The following SMARCC2 variants were observed in gnomAD, a reference collection of about 807,000 sequenced individuals.
SMARCC2 encodes the protein SWI/SNF related BAF chromatin remodeling complex subunit C2, also known as SWI/SNF complex subunit SMARCC2.
A neutral mutation model predicts 151.3 loss-of-function variants in SMARCC2; 15 were observed. The ratio of observed to expected loss-of-function variants is 0.10; its 90% CI spans 0.07 to 0.15. SMARCC2 has a LOEUF of 0.15. Ranked by LOEUF, SMARCC2 falls within the 10% of genes least tolerant of loss-of-function variation. The pLI is 1.00. For missense variants in SMARCC2, 1,031 were observed against 1,599.7 expected (o/e 0.64, Z 6.06); for synonymous variants, 590 against 609.5 (o/e 0.97, Z 0.47).
rs1381797289 is a variant in SMARCC2 at position 56,178,803 on chromosome 12, G to C, written c.1179+7C>G. On this transcript the variant is annotated splice_region_variant and intron_variant, in intron 13 of 28. Coordinates refer to ENST00000550164, the MANE Select transcript of SMARCC2 (RefSeq NM_001330288.2). ...AGAGAGGTAGGGCCTCTCTAAACTG[G>C]CTCCACCTTGCCCGTCGTCTCCATG... 6.2e-7 allele frequency: 1 copy of C among 1,613,332 alleles called. No homozygotes were observed. The highest frequency in any genetic ancestry group is 8.5e-7 in the Non-Finnish European group (1 of 1,179,330).
chr12:56,184,217 C>T lies in SMARCC2; in HGVS notation c.520G>A (p.Ala174Thr). Residue 174 changes from alanine (A) to threonine (T), a missense_variant, in exon 6 of 29, where the codon GCC becomes ACC. Physicochemically the swap from Ala to Thr is moderately conservative, Grantham distance 58. Transcript: ENST00000550164. ...GGGACAGGATACACAACATGGGAGGCATTGTTCTTATCCTCAGTGACTGTT... is the reference window on the plus strand; with the variant it reads ...GGGACAGGATACACAACATGGGAGGTATTGTTCTTATCCTCAGTGACTGTT... ...QGTVTEDKNN[A>T]SHVVYPVPGN... 2 of 1,613,614 alleles carry T rather than the reference C, an allele frequency of 1.2e-6. No homozygotes were observed. The highest frequency in any genetic ancestry group is 1.7e-6 in the Non-Finnish European group (2 of 1,179,654).
chr12:56,163,654 CAGGGGGTG>C lies in SMARCC2; in HGVS notation c.*27_*34del. The C allele has an allele frequency of 7.7e-7, 1 of 1,301,622 alleles. No homozygotes were observed. The allele number at this position is 1,301,622 out of a possible 1,614,324, so 80.6% of individuals were successfully genotyped here. A position where few individuals can be genotyped will look rare whatever the true frequency, so the allele number is the denominator to read the frequency against. On this transcript the variant is annotated 3_prime_UTR_variant, in exon 29 of 29. Transcript: ENST00000550164. Reference sequence around the variant, plus strand: ...GCTGTTCCTGGAACCGTGATGTCCACAGGGGGTGAGGGGGAGAGATGTCTGGCTGGCTC... The same window carrying C: ...GCTGTTCCTGGAACCGTGATGTCCACAGGGGGAGAGATGTCTGGCTGGCTC...
At chr12:56,176,011 T>C (rs1449428132) in intron 15 of SMARCC2, among the ~76,000 whole-genome samples, 1 of 151,696 alleles carries the variant, frequency 6.6e-6, no homozygotes, top group Admixed American at 6.6e-5. Flanking sequence ...GGTGCGTGCC[T>C]CCACACCCAG....
chr12:56,183,924 C>A lies in SMARCC2; in HGVS notation c.569G>T (p.Trp190Leu). 6.2e-7 allele frequency: 1 copy of A among 1,611,642 alleles called. No individual in the cohort carries two copies. Among genetic ancestry groups the A allele is most frequent in the South Asian group, 1.1e-5 (1 of 90,930 alleles). The change falls in exon 7 of 29, where the codon TGG (tryptophan) becomes TTG (leucine). Residue 190 changes from tryptophan to leucine, a missense_variant. Trp to Leu is a moderately conservative substitution (Grantham distance 61). Around this residue, in one of 12 missense-constraint regions of SMARCC2, gnomAD observed 123 missense variants for 190.4 expected, o/e 0.65. Transcript: ENST00000550164. ...PVPGNLEEEE[W>L]VRPVMKRDKQ... is the part of the protein sequence containing the mutation. ...ATCCCTCTTCATGACTGGTCGTACCCATTCCTCTGGGGATAGAGGAAGAGA... is the reference window on the plus strand; with the variant it reads ...ATCCCTCTTCATGACTGGTCGTACCAATTCCTCTGGGGATAGAGGAAGAGA...
At chr12:56,185,414 C>G (rs1005579855) in intron 3 of SMARCC2, 2 of 301,220 alleles carry the variant, frequency 6.6e-6, no homozygotes, top group Admixed American at 4.6e-5. Context: ...AACTCCTGAC[C>G]TCAGGTGATC....
intron 15 of SMARCC2, among the ~76,000 whole-genome samples, chr12:56,176,603 A>T (rs1479878079): frequency 7.3e-6 from 1 of 136,260 alleles, no homozygotes; most frequent in African/African-American, 2.8e-5. Flanking sequence ...TCAGCCTCCC[A>T]AGTAGCTGGA....
At chr12:56,174,879 AAGT>A in intron 15 of SMARCC2, 115 bp from the exon 16 acceptor site, 1 of 692,106 alleles carries the variant, frequency 1.4e-6, no homozygotes, top group Admixed American at 2.4e-5. Context: ...AGATGGAAAA[AAGT>A]AGATTATTTG....
intron 7 of SMARCC2, 71 bp from the exon 8 acceptor site, chr12:56,182,150 T>C: frequency 1.2e-5 from 13 of 1,053,206 alleles, no homozygotes; most frequent in Non-Finnish European, 1.1e-5. Context: ...TGCAGATCTT[T>C]TACCCTTTCC....
intron 16 of SMARCC2, 197 bp downstream of exon 16, chr12:56,174,454 C>A: frequency 1.9e-6 from 1 of 534,100 alleles, no homozygotes; most frequent in Admixed American, 3.2e-5. Context: ...CTTCTTTGTC[C>A]TATATTCTAC....
chr12:56,178,162 A>G (rs1875401795), intron 14 of SMARCC2, 69 bp from the exon 15 acceptor site: 2 of 1,294,184 alleles, frequency 1.5e-6, no homozygotes, highest in Non-Finnish European at 2.2e-6. Context: ...AAAGGGAGGA[A>G]AAGCCTAGAA....
rs767090428 is a variant in SMARCC2, at chr12:56,174,695, G to A, written c.1452C>T (p.Thr484=). ...RLNPQEYLTS[T]ACRRNLAGDV... Reference sequence around the variant, plus strand: ...CACCCGCTAGGTTTCGGCGGCAGGCGGTAGAGGTAAGATACTCTTGGGGGT... The same window carrying A: ...CACCCGCTAGGTTTCGGCGGCAGGCAGTAGAGGTAAGATACTCTTGGGGGT... Residue 484 remains threonine (T), a synonymous_variant, in exon 16 of 29, where the codon ACC becomes ACT. Coordinates refer to ENST00000550164, the MANE Select transcript of SMARCC2 (RefSeq NM_001330288.2). 4.8e-5 allele frequency: 77 copies of A among 1,613,886 alleles called. No individual in the cohort carries two copies. Among genetic ancestry groups the A allele is most frequent in the Middle Eastern group, 1.6e-4 (1 of 6,066 alleles).
intron 11 of SMARCC2, 49 bp downstream of exon 11, chr12:56,180,928 T>G: frequency 6.4e-7 from 1 of 1,565,832 alleles, no homozygotes. Flanking sequence ...CAAAGGAGAG[T>G]CAAGACGGGG....
rs926439242 is a variant in SMARCC2 at position 56,171,983 on chromosome 12, T to C, written c.1927-46A>G. The C allele has an allele frequency of 1.9e-6, 3 of 1,543,404 alleles. No homozygotes were observed. Among genetic ancestry groups the C allele is most frequent in the Non-Finnish European group, 2.6e-6 (3 of 1,142,546 alleles). On this transcript the variant is annotated intron_variant, in intron 20 of 28. Transcript: ENST00000550164. The surrounding 1 kb of genome is among the most constrained non-coding windows in gnomAD (Gnocchi z 4.2). ...ATAACTCCGCTTACTTAGCCACTTT[T>C]CTCGAAGGCTGACTCCCCCCATCCT...
chr12:56,174,788 C>G lies in SMARCC2; in HGVS notation c.1383-24G>C, dbSNP rs779840170. Reference sequence around the variant, plus strand: ...AGCTTAGAAGAAAGAGAGAGAGAAACAAGAAGAAGAAAAATAAATGTTTGT... The same window carrying G: ...AGCTTAGAAGAAAGAGAGAGAGAAAGAAGAAGAAGAAAAATAAATGTTTGT... On this transcript the variant is annotated intron_variant, in intron 15 of 28. Transcript: ENST00000550164. 15 of 1,446,610 alleles carry G rather than the reference C, an allele frequency of 1.0e-5. No homozygotes were observed. In the Admixed American group the frequency reaches 1.4e-4, roughly 13 times the overall value. 89.6% of individuals were successfully genotyped at this position (1,446,610 alleles called of 1,614,324 possible).
chr12:56,170,046 C>G (rs374005527), intron 23 of SMARCC2, 98 bp downstream of exon 23: 1 of 1,439,948 alleles, frequency 6.9e-7, no homozygotes, highest in Non-Finnish European at 9.7e-7. Context: ...CAACCCCGTC[C>G]AAAACCAGCC....
intron 1 of SMARCC2, among the ~76,000 whole-genome samples, chr12:56,188,454 T>C (rs754821733): frequency 7.9e-5 from 12 of 152,014 alleles, no homozygotes; most frequent in Non-Finnish European, 1.6e-4. Context: ...AGAGAATCCC[T>C]CTCTGAGGGT....
In SMARCC2 at chr12:56,178,002, A is replaced by T; in HGVS notation, c.1382+20T>A. 5 of 1,535,846 alleles carry T rather than the reference A, an allele frequency of 3.3e-6. No homozygotes were observed. The highest frequency in any genetic ancestry group is 4.5e-6 in the Non-Finnish European group (5 of 1,112,570). On this transcript the variant is annotated intron_variant, in intron 15 of 28. Transcript: ENST00000550164. ...GGGGACAGGAGGGAGAAGGAGAATC[A>T]TGAGATGAGATTTCCTTACATCTCT...
In SMARCC2 at chr12:56,187,192, G is replaced by C. The variant is rs1178877724; in HGVS notation, c.226C>G (p.Leu76Val). 1 of 1,613,724 alleles carries C rather than the reference G, an allele frequency of 6.2e-7. No individual in the cohort carries two copies. Residue 76 changes from leucine (L) to valine (V), a missense_variant, in exon 2 of 29, where the codon CTG becomes GTG. This residue lies in a region of SMARCC2 where 14 missense variants were observed against 45.4 expected (regional missense o/e 0.31). Transcript: ENST00000550164. ...CCTGCTACTTCTGCACTCACCGGCAGTTTAGTGAGCGGTGCATTGCTGACA... is the reference window on the plus strand; with the variant it reads ...CCTGCTACTTCTGCACTCACCGGCACTTTAGTGAGCGGTGCATTGCTGACA... ...KHVSNAPLTKLPIKCFLDFKA... is the reference protein window; with the variant it reads ...KHVSNAPLTKVPIKCFLDFKA...
At chr12:56,169,031 C>A (rs759468678) in intron 25 of SMARCC2, among the ~76,000 whole-genome samples, 1 of 151,890 alleles carries the variant, frequency 6.6e-6, no homozygotes, top group Non-Finnish European at 1.5e-5. Flanking sequence ...CGGTGGCTCA[C>A]GCCTGTAATT....
Sources: allele counts gnomAD v4.1 joint callset (sites outside exome capture counted in the v4.1 genomes callset), GRCh38; gene constraint gnomAD v4.1.1; regional missense constraint gnomAD v4.1.1; non-coding constraint Gnocchi (gnomAD v3.1); transcripts MANE v1.5; gene names NCBI Gene and HGNC (gene_info 2026-07-23, HGNC 2026-07-21).